Variants in SAMTOR observed in about 807,000 individuals in gnomAD.
SAMTOR encodes the protein UPF0532 protein C7orf60.
the SAMTOR span, among the ~76,000 whole-genome samples, chr7:112,913,918 G>A: frequency 6.6e-6 from 1 of 152,130 alleles, no homozygotes; most frequent in Non-Finnish European, 1.5e-5. Context: ...GTCTGCACTA[G>A]TGTAAATTTA....
At chr7:112,924,651 A>G in the SAMTOR span, among the ~76,000 whole-genome samples, 2 of 152,188 alleles carry the variant, frequency 1.3e-5, no homozygotes, top group East Asian at 3.8e-4. Context: ...TGGCCTCTCA[A>G]TTTGTTACAT....
At chr7:112,867,877 C>T in the SAMTOR span, among the ~76,000 whole-genome samples, 441 of 152,294 alleles carry the variant, frequency 2.9e-3, 1 homozygote, top group Middle Eastern at 0.014. Flanking sequence ...TGTTAGGAAC[C>T]GGGCTGCATA....
At chr7:112,856,555 C>G in the SAMTOR span, among the ~76,000 whole-genome samples, 2 of 152,104 alleles carry the variant, frequency 1.3e-5, no homozygotes, top group Non-Finnish European at 2.9e-5. Context: ...TGTAAAGAAG[C>G]AAATACCAGC....
the SAMTOR span, among the ~76,000 whole-genome samples, chr7:112,831,610 C>T: frequency 2.6e-5 from 4 of 152,058 alleles, no homozygotes; most frequent in African/African-American, 7.2e-5. Context: ...AGTGATCATG[C>T]CACTGCACTC....
chr7:112,861,429 C>T, the SAMTOR span, among the ~76,000 whole-genome samples: 1 of 152,076 alleles, frequency 6.6e-6, no homozygotes, highest in Non-Finnish European at 1.5e-5. Flanking sequence ...ATTGTTTGAG[C>T]CCAGCCTGGT....
the SAMTOR span, among the ~76,000 whole-genome samples, chr7:112,845,293 AG>A: frequency 6.6e-6 from 1 of 152,326 alleles, no homozygotes; most frequent in East Asian, 1.9e-4. Context: ...CTACCAACAG[AG>A]TAAACAGACT....
At chr7:112,901,053 T>C in the SAMTOR span, among the ~76,000 whole-genome samples, 2 of 152,186 alleles carry the variant, frequency 1.3e-5, no homozygotes, top group East Asian at 1.9e-4. Flanking sequence ...CGTCACTAAA[T>C]TAAAATTTTT....
At chr7:112,891,891 G>A in the SAMTOR span, among the ~76,000 whole-genome samples, 1 of 152,206 alleles carries the variant, frequency 6.6e-6, no homozygotes, top group Admixed American at 6.5e-5. Flanking sequence ...AAGCTGGGGT[G>A]CTATCAGAAT....
the SAMTOR span, among the ~76,000 whole-genome samples, chr7:112,848,761 T>C: frequency 2.0e-5 from 3 of 152,242 alleles, no homozygotes; most frequent in African/African-American, 7.2e-5. Flanking sequence ...TTTTGAAATG[T>C]TGTGCAGTCA....
At chr7:112,876,359 G>T in the SAMTOR span, among the ~76,000 whole-genome samples, 20 of 152,098 alleles carry the variant, frequency 1.3e-4, no homozygotes, top group Non-Finnish European at 2.5e-4. Flanking sequence ...TTTTGGCAAA[G>T]GAGTCCTGGA....
At chr7:112,911,021 T>C in the SAMTOR span, among the ~76,000 whole-genome samples, 1 of 152,160 alleles carries the variant, frequency 6.6e-6, no homozygotes, top group Non-Finnish European at 1.5e-5. Flanking sequence ...GGGAATTTGC[T>C]GAAATGGTAC....
At chr7:112,828,290 A>G in the SAMTOR span, among the ~76,000 whole-genome samples, 1 of 152,168 alleles carries the variant, frequency 6.6e-6, no homozygotes, top group Non-Finnish European at 1.5e-5. Flanking sequence ...TCTGAGGTCA[A>G]GATTGTGGGA....
the SAMTOR span, among the ~76,000 whole-genome samples, chr7:112,866,996 C>A: frequency 6.6e-6 from 1 of 152,138 alleles, no homozygotes; most frequent in Non-Finnish European, 1.5e-5. Context: ...AAATTGGGCT[C>A]TGTTTTCCCC....
chr7:112,874,680 T>C, the SAMTOR span, among the ~76,000 whole-genome samples: 2 of 152,166 alleles, frequency 1.3e-5, no homozygotes, highest in African/African-American at 2.4e-5. Flanking sequence ...GAATTAAATA[T>C]AAACTTAGCC....
chr7:112,843,449 C>T, the SAMTOR span, among the ~76,000 whole-genome samples: 70 of 151,968 alleles, frequency 4.6e-4, no homozygotes, highest in African/African-American at 1.6e-3. Flanking sequence ...TGTAATTTCT[C>T]TAAGTAATAA....
At chr7:112,884,636 GC>G in the SAMTOR span, among the ~76,000 whole-genome samples, 1 of 152,208 alleles carries the variant, frequency 6.6e-6, no homozygotes, top group Non-Finnish European at 1.5e-5. Context: ...GCAAGAGGTA[GC>G]CTCCCACAGC....
At chr7:112,904,277 CAT>C in the SAMTOR span, among the ~76,000 whole-genome samples, 384 of 152,042 alleles carry the variant, frequency 2.5e-3, no homozygotes, top group Non-Finnish European at 4.2e-3. Flanking sequence ...CAAAAATTAC[CAT>C]ATATGTGTAT....
the SAMTOR span, among the ~76,000 whole-genome samples, chr7:112,866,994 C>G: frequency 2.0e-5 from 3 of 152,148 alleles, no homozygotes; most frequent in African/African-American, 7.2e-5. Flanking sequence ...AAAAATTGGG[C>G]TCTGTTTTCC....
chr7:112,898,557 G>A, the SAMTOR span, among the ~76,000 whole-genome samples: 1 of 152,228 alleles, frequency 6.6e-6, no homozygotes, highest in African/African-American at 2.4e-5. Flanking sequence ...TGGGACAGAA[G>A]GGAATCCTCT....
Sources: gnomAD v4.1 joint callset for allele counts (sites outside exome capture counted in the v4.1 genomes callset) on GRCh38, gnomAD v4.1.1 for gene constraint, MANE v1.5 for transcripts, NCBI Gene and HGNC (gene_info 2026-07-23, HGNC 2026-07-21) for gene names.